NTRK3: variants seen among roughly 807,000 people sequenced by gnomAD.
NTRK3 encodes NT-3 growth factor receptor.
A neutral mutation model predicts 91.7 loss-of-function variants in NTRK3; 24 were observed. The observed-to-expected ratio is 0.26, with a 90% confidence interval of 0.19 to 0.37. NTRK3 has a LOEUF of 0.37. Among genes scored for constraint, NTRK3 ranks in the 10% least tolerant of loss-of-function variants. The probability of loss-of-function intolerance (pLI) is 1.00; values close to 1 mark genes in which losing one functional copy is unlikely to be tolerated. For synonymous variants in NTRK3, 483 were observed against 404.0 expected (o/e 1.20, Z -2.34); for missense variants, 880 against 1,068.9 (o/e 0.82, Z 2.46).
chr15:88,232,932 G>A (rs1184365395), intron 3 of NTRK3, among the ~76,000 whole-genome samples: 2 of 152,128 alleles, frequency 1.3e-5, no homozygotes, highest in African/African-American at 4.8e-5. Context: ...TGAGGGTCTT[G>A]GGCCCACTCA....
At chr15:87,930,923 G>A (rs1311505165) in intron 16 of NTRK3, among the ~76,000 whole-genome samples, 2 of 152,128 alleles carry the variant, frequency 1.3e-5, no homozygotes, top group African/African-American at 4.8e-5. Flanking sequence ...GAGACACAGA[G>A]GTCTTCAGAG....
chr15:88,138,559 C>T (rs1271782292), intron 6 of NTRK3, among the ~76,000 whole-genome samples: 1 of 152,162 alleles, frequency 6.6e-6, no homozygotes, highest in Non-Finnish European at 1.5e-5. Flanking sequence ...TTCCCTCACT[C>T]CCTCCTCCTC....
At chr15:88,223,828 C>T (rs2050446784) in intron 3 of NTRK3, among the ~76,000 whole-genome samples, 2 of 152,062 alleles carry the variant, frequency 1.3e-5, no homozygotes, top group South Asian at 2.1e-4. Flanking sequence ...AAAGTTCGGC[C>T]CAGGGTAGAG....
chr15:88,051,598 T>C (rs2142297610), intron 13 of NTRK3, among the ~76,000 whole-genome samples: 1 of 152,360 alleles, frequency 6.6e-6, no homozygotes, highest in East Asian at 1.9e-4. Context: ...TTTGTTTCCT[T>C]ATCTATAAAT....
chr15:87,891,795 T>C (rs889481015), intron 17 of NTRK3, among the ~76,000 whole-genome samples: 3 of 152,116 alleles, frequency 2.0e-5, no homozygotes, highest in South Asian at 2.1e-4. Flanking sequence ...AGTGCACTTT[T>C]TATATATACC....
chr15:87,874,110 G>A (rs1331695359), exon 19 of NTRK3: 3 of 229,478 alleles, frequency 1.3e-5, no homozygotes, highest in Non-Finnish European at 1.7e-5. Context: ...ATATAGGAGG[G>A]ACAGGTGTGT....
chr15:88,001,588 A>T (rs540675604), intron 14 of NTRK3, among the ~76,000 whole-genome samples: 6 of 152,272 alleles, frequency 3.9e-5, no homozygotes, highest in African/African-American at 1.2e-4. Flanking sequence ...TATTTGTTTA[A>T]AAGACTATTA....
chr15:88,209,319 TG>T (rs2049046337), intron 3 of NTRK3, among the ~76,000 whole-genome samples: 1 of 152,206 alleles, frequency 6.6e-6, no homozygotes, highest in South Asian at 2.1e-4. Flanking sequence ...AGCTGCCTAC[TG>T]CCGCCATGGG....
chr15:87,906,621 G>A (rs1223455318), intron 17 of NTRK3, among the ~76,000 whole-genome samples: 2 of 152,100 alleles, frequency 1.3e-5, no homozygotes, highest in African/African-American at 2.4e-5. Flanking sequence ...TTTCAGATAC[G>A]ATTTCATCCA....
At chr15:87,916,593 A>C in intron 17 of NTRK3, 2 of 702,298 alleles carry the variant, frequency 2.8e-6, no homozygotes, top group Middle Eastern at 2.3e-4. Context: ...CTGGATTTCT[A>C]AACTGCAGAG....
intron 13 of NTRK3, among the ~76,000 whole-genome samples, chr15:88,081,072 T>C (rs2048000019): frequency 6.6e-6 from 1 of 152,220 alleles, no homozygotes; most frequent in Admixed American, 6.5e-5. Flanking sequence ...CTGTGTATAG[T>C]TCACTTCTAG....
intron 10 of NTRK3, among the ~76,000 whole-genome samples, chr15:88,132,750 C>T (rs145719584): frequency 1.3e-5 from 2 of 152,290 alleles, no homozygotes; most frequent in East Asian, 1.9e-4. Context: ...CTCTCTTGAG[C>T]GTTTAAGCAT....
At chr15:87,998,476 A>C (rs1447330042) in intron 14 of NTRK3, among the ~76,000 whole-genome samples, 1 of 152,244 alleles carries the variant, frequency 6.6e-6, no homozygotes, top group Non-Finnish European at 1.5e-5. Context: ...ATGTCTATAC[A>C]GTGGCTGTTG....
intron 3 of NTRK3, among the ~76,000 whole-genome samples, chr15:88,187,007 G>A (rs562400371): frequency 5.3e-5 from 8 of 152,280 alleles, no homozygotes; most frequent in Non-Finnish European, 1.2e-4. Flanking sequence ...AAGATCAAAA[G>A]ACTATGATAA....
In NTRK3 at chr15:88,128,743, A is replaced by C. The variant is rs373593924; in HGVS notation, c.1205-9T>G. On this transcript the variant is annotated splice_polypyrimidine_tract_variant and intron_variant, in intron 10 of 18. Coordinates refer to ENST00000394480, the Ensembl canonical transcript of NTRK3. The stretch of plus-strand genomic sequence containing the variant: ...AAAGTTATCCGTGCTCTCTGCAAAA[A>C]AAGGACAAAGAGATAATTAACAAAT... 10 of 1,613,710 alleles carry C rather than the reference A, an allele frequency of 6.2e-6. No individual in the cohort carries two copies. Among genetic ancestry groups the C allele is most frequent in the Non-Finnish European group, 8.5e-6 (10 of 1,179,706 alleles).
intron 13 of NTRK3, among the ~76,000 whole-genome samples, chr15:88,107,553 C>T (rs961201504): frequency 2.6e-5 from 4 of 152,046 alleles, no homozygotes; most frequent in African/African-American, 9.7e-5. Flanking sequence ...ATGGTAGCAC[C>T]CCCATCCACA....
At chr15:88,248,081 T>C (rs1455315969) in intron 3 of NTRK3, among the ~76,000 whole-genome samples, 1 of 152,200 alleles carries the variant, frequency 6.6e-6, no homozygotes, top group Non-Finnish European at 1.5e-5. Flanking sequence ...ACCAGGGGCA[T>C]AGTCCTGCTG....
Position 87,935,113 on chromosome 15 carries a change from A to G in NTRK3, c.1717-1929T>C, listed in dbSNP as rs541465329. On this transcript the variant is annotated intron_variant, in intron 15 of 18. Transcript: ENST00000394480. Reference sequence around the variant, plus strand: ...TGGAGCCCAGGACACTTTCCTGCCCAGCACACCTGCCTGAATTAATTTATG... The same window carrying G: ...TGGAGCCCAGGACACTTTCCTGCCCGGCACACCTGCCTGAATTAATTTATG... Among the ~76,000 whole-genome samples, 12 of 152,276 alleles carry G rather than the reference A, an allele frequency of 7.9e-5. No individual in the cohort carries two copies. The East Asian group carries it at 2.3e-3, about 29-fold the overall frequency.
intron 17 of NTRK3, among the ~76,000 whole-genome samples, chr15:87,884,197 GATGTAGAGGAGACAA>G (rs1173429653): frequency 1.3e-5 from 2 of 151,470 alleles, no homozygotes; most frequent in Non-Finnish European, 1.5e-5. Flanking sequence ...ATTAATAAGG[GATGTAGAGGAGACAA>G]ATGTAAAATG....
Sources: gnomAD v4.1 joint callset for allele counts (sites outside exome capture counted in the v4.1 genomes callset) on GRCh38, gnomAD v4.1.1 for gene constraint, MANE v1.5 for transcripts, NCBI Gene and HGNC (gene_info 2026-07-23, HGNC 2026-07-21) for gene names.